Variants in TRIO observed in about 807,000 individuals in gnomAD.
TRIO encodes the protein trio Rho guanine nucleotide exchange factor.
TRIO carries 58 observed loss-of-function variants against 351.9 expected under a neutral mutation model. The observed-to-expected ratio is 0.16, with a 90% CI of 0.13 to 0.21. The LOEUF (loss-of-function observed/expected upper bound fraction) is 0.21, where lower values mean the gene tolerates loss of function less well. Ranked by LOEUF, TRIO falls within the 10% of genes least tolerant of loss-of-function variation. The probability of loss-of-function intolerance (pLI) is 1.00; values close to 1 mark genes in which losing one functional copy is unlikely to be tolerated. For synonymous variants in TRIO, 1,758 were observed against 1,595.7 expected (o/e 1.10, Z -2.42); for missense variants, 3,201 against 4,027.8 (o/e 0.79, Z 5.56).
chr5:14,405,536 G>A (rs557434648), intron 31 of TRIO, among the ~76,000 whole-genome samples: 5 of 152,352 alleles, frequency 3.3e-5, no homozygotes, highest in South Asian at 2.1e-4. Context: ...TTTGGTGGCA[G>A]TGAGGGTGGC....
chr5:14,470,534 A>G (rs1456655077), intron 37 of TRIO, among the ~76,000 whole-genome samples: 1 of 152,218 alleles, frequency 6.6e-6, no homozygotes, highest in Non-Finnish European at 1.5e-5. Flanking sequence ...GCAATCAGTC[A>G]CCAGTCATTG....
At chr5:14,319,134 C>A (rs554116071) in intron 9 of TRIO, among the ~76,000 whole-genome samples, 3 of 152,200 alleles carry the variant, frequency 2.0e-5, no homozygotes, top group African/African-American at 2.4e-5. Flanking sequence ...GCTTTTTTTC[C>A]CCTCTCAAAC....
At chr5:14,454,282 C>G (rs966318934) in intron 34 of TRIO, among the ~76,000 whole-genome samples, 10 of 152,152 alleles carry the variant, frequency 6.6e-5, no homozygotes, top group Non-Finnish European at 1.3e-4. Context: ...AGCCCCCACC[C>G]CGACACTGCT....
At chr5:14,177,595 G>T (rs1789486149) in intron 1 of TRIO, among the ~76,000 whole-genome samples, 1 of 152,174 alleles carries the variant, frequency 6.6e-6, no homozygotes, top group Admixed American at 6.5e-5. Flanking sequence ...AACAAAAAAA[G>T]CTAACAGGGT....
intron 1 of TRIO, among the ~76,000 whole-genome samples, chr5:14,269,138 G>A (rs73751323): frequency 0.024 from 3,606 of 152,252 alleles, 147 homozygotes; most frequent in African/African-American, 0.083. Flanking sequence ...ATAGTTCCAC[G>A]CAGCCTTCCT....
chr5:14,478,778 C>T (rs1278700040), intron 41 of TRIO, among the ~76,000 whole-genome samples: 1 of 129,466 alleles, frequency 7.7e-6, no homozygotes, highest in Non-Finnish European at 1.6e-5. Context: ...AGCAGGACTC[C>T]ATCCCTACAA....
chr5:14,295,533 A>G (rs1486561565), intron 6 of TRIO, among the ~76,000 whole-genome samples: 10 of 152,234 alleles, frequency 6.6e-5, no homozygotes, highest in Admixed American at 6.5e-5. Flanking sequence ...GGTTGTCACA[A>G]TAGAGCCACC....
At chr5:14,436,058 CCCT>C (rs1347781963) in intron 34 of TRIO, among the ~76,000 whole-genome samples, 1 of 152,140 alleles carries the variant, frequency 6.6e-6, no homozygotes, top group African/African-American at 2.4e-5. Context: ...TTTCTGTTTC[CCCT>C]CCTCCATCCT....
intron 53 of TRIO, among the ~76,000 whole-genome samples, chr5:14,500,793 TG>T (rs1313603996): frequency 7.1e-6 from 1 of 140,042 alleles, no homozygotes; most frequent in Non-Finnish European, 1.5e-5. Flanking sequence ...GAGGCTGAGG[TG>T]GGGGGATCAC....
chr5:14,395,812 G>A lies in TRIO; in HGVS notation c.4312-1231G>A, dbSNP rs533023028. On this transcript the variant is annotated intron_variant, in intron 28 of 56. Transcript: ENST00000344204. ...TGTAATCCCAGCACTTTGGGAGGCC[G>A]AGGCAGGCGGATCACGACATCAGGA... is the stretch of plus-strand genomic sequence containing the variant. 1.3e-3 allele frequency among the ~76,000 whole-genome samples: 202 copies of A among 152,230 alleles called. 1 individual carries two copies. Among genetic ancestry groups the A allele is most frequent in the Middle Eastern group, 3.4e-3 (1 of 294 alleles).
chr5:14,221,485 G>A (rs1343683209), intron 1 of TRIO, among the ~76,000 whole-genome samples: 1 of 152,180 alleles, frequency 6.6e-6, no homozygotes, highest in Non-Finnish European at 1.5e-5. Context: ...TTCTGGAAAG[G>A]TCACCATTCT....
intron 1 of TRIO, among the ~76,000 whole-genome samples, chr5:14,162,262 T>C (rs1041567893): frequency 4.6e-5 from 7 of 152,184 alleles, no homozygotes; most frequent in Non-Finnish European, 8.8e-5. Context: ...TCTGTGAACA[T>C]ACTGAAGGCA....
At chr5:14,429,519 C>T (rs371364571) in intron 34 of TRIO, among the ~76,000 whole-genome samples, 1 of 152,130 alleles carries the variant, frequency 6.6e-6, no homozygotes, top group East Asian at 1.9e-4. Flanking sequence ...AAGTCTTTGT[C>T]CTGTGTCCCT....
chr5:14,339,164 A>C (rs940471452), intron 11 of TRIO, among the ~76,000 whole-genome samples: 1 of 151,084 alleles, frequency 6.6e-6, no homozygotes, highest in Non-Finnish European at 1.5e-5. Context: ...TTGAGCTCAG[A>C]AGGTGAAAGT....
intron 1 of TRIO, among the ~76,000 whole-genome samples, chr5:14,213,184 AAGG>A (rs1310926854): frequency 5.3e-5 from 8 of 152,098 alleles, no homozygotes; most frequent in Non-Finnish European, 1.2e-4. Context: ...GGTTGGAATG[AAGG>A]AGAAGGAAAG....
At chr5:14,389,936 C>G (rs1746898083) in intron 25 of TRIO, among the ~76,000 whole-genome samples, 2 of 152,060 alleles carry the variant, frequency 1.3e-5, no homozygotes, top group Admixed American at 1.3e-4. Flanking sequence ...GAGCGCAGTC[C>G]CCTCACCCCT....
At chr5:14,277,310 A>G (rs1735618926) in intron 2 of TRIO, among the ~76,000 whole-genome samples, 1 of 152,334 alleles carries the variant, frequency 6.6e-6, no homozygotes, top group East Asian at 1.9e-4. Flanking sequence ...GTAAAACACC[A>G]TCATTATAAA....
intron 7 of TRIO, among the ~76,000 whole-genome samples, chr5:14,301,335 C>T (rs1033786333): frequency 5.3e-5 from 8 of 152,082 alleles, no homozygotes; most frequent in African/African-American, 1.9e-4. Flanking sequence ...CTGATCTGAA[C>T]TGACAGAGCA....
rs573241458 is a variant in TRIO at position 14,417,216 on chromosome 5, C to T, written c.4960-2562C>T. Among the ~76,000 whole-genome samples the T allele has an allele frequency of 3.2e-4, 49 of 152,282 alleles. 1 individual carries two copies. Among genetic ancestry groups the T allele is most frequent in the African/African-American group, 1.1e-3 (47 of 41,548 alleles). On this transcript the variant is annotated intron_variant, in intron 33 of 56. Coordinates refer to ENST00000344204, the MANE Select transcript of TRIO (RefSeq NM_007118.4). ...TGAAAAATTTAACATGGGTTTTCCACGGAGAAGTTTGTAAGATTGAGAAGG... is the reference window on the plus strand; with the variant it reads ...TGAAAAATTTAACATGGGTTTTCCATGGAGAAGTTTGTAAGATTGAGAAGG...
Sources: gnomAD v4.1 joint callset for allele counts (sites outside exome capture counted in the v4.1 genomes callset) on GRCh38, gnomAD v4.1.1 for gene constraint, MANE v1.5 for transcripts, NCBI Gene and HGNC (gene_info 2026-07-23, HGNC 2026-07-21) for gene names.